Variants in NKAIN2 observed in about 807,000 individuals in gnomAD.
NKAIN2 encodes the protein sodium/potassium transporting ATPase interacting 2.
NKAIN2 carries 14 observed loss-of-function variants against 32.6 expected under a neutral mutation model. That is an observed-to-expected ratio of 0.43 (90% CI 0.28 to 0.67). The LOEUF is 0.67. Among genes scored for constraint, NKAIN2 ranks in the 30% least tolerant of loss-of-function variants. The probability of loss-of-function intolerance (pLI) is 0.17; values close to 1 mark genes in which losing one functional copy is unlikely to be tolerated. For synonymous variants in NKAIN2, 80 were observed against 87.2 expected (o/e 0.92, Z 0.46); for missense variants, 198 against 258.3 (o/e 0.77, Z 1.60).
At chr6:124,178,290 G>A (rs1323013043) in intron 1 of NKAIN2, among the ~76,000 whole-genome samples, 2 of 133,240 alleles carry the variant, frequency 1.5e-5, no homozygotes, top group South Asian at 2.7e-4. Flanking sequence ...GGATTTAGAC[G>A]TACATTAACT....
At chr6:124,119,157 A>G (rs1785755714) in intron 1 of NKAIN2, among the ~76,000 whole-genome samples, 1 of 152,202 alleles carries the variant, frequency 6.6e-6, no homozygotes, top group African/African-American at 2.4e-5. Context: ...CTCCCCAACC[A>G]GAAAGTGGTT....
intron 1 of NKAIN2, among the ~76,000 whole-genome samples, chr6:123,914,195 A>T (rs1369530866): frequency 6.7e-6 from 1 of 149,900 alleles, no homozygotes. Context: ...TGCTCATAAG[A>T]CCTCTTCTTT....
At chr6:123,932,406 C>CTTTTTTTTTTTTTTTTTTTTTTTT (rs57063550) in intron 1 of NKAIN2, among the ~76,000 whole-genome samples, 10 of 104,444 alleles carry the variant, frequency 9.6e-5, no homozygotes, top group African/African-American at 3.8e-4. Flanking sequence ...TTCTGTCTTT[C>CTTTTTTTTTTTTTTTTTTTTTTTT]TTTTTTTTTT....
chr6:124,515,137 A>ATAT (rs1778855427), intron 3 of NKAIN2, among the ~76,000 whole-genome samples: 1 of 152,150 alleles, frequency 6.6e-6, no homozygotes, highest in Non-Finnish European at 1.5e-5. Context: ...TATTCACATT[A>ATAT]TATTTAAGGA....
Position 124,779,239 on chromosome 6 carries a change from AACAAAG to A in NKAIN2, c.475-12098_475-12093del, listed in dbSNP as rs1304998489. Among the ~76,000 whole-genome samples, 466 of 77,978 alleles carry A rather than the reference AACAAAG, an allele frequency of 6.0e-3. 14 individuals are homozygous for A. Among genetic ancestry groups the A allele is most frequent in the African/African-American group, 0.026 (448 of 17,152 alleles). 51.2% of individuals were successfully genotyped at this position (77,978 alleles called of 152,430 possible). A position where few individuals can be genotyped will look rare whatever the true frequency, so the allele number is the denominator to read the frequency against. ...AGCCTGGGCGACAGAGCCAGACTCC[AACAAAG>A]AAAGAGAGAGAGAGAGAGAGAGAGA... On this transcript the variant is annotated intron_variant, in intron 4 of 6. Coordinates refer to ENST00000368417, the MANE Select transcript of NKAIN2 (RefSeq NM_001040214.3).
At chr6:123,983,229 C>T (rs1315430762) in intron 1 of NKAIN2, among the ~76,000 whole-genome samples, 1 of 152,162 alleles carries the variant, frequency 6.6e-6, no homozygotes, top group African/African-American at 2.4e-5. Context: ...ATTGAGATGT[C>T]CAGCAAAGAG....
intron 1 of NKAIN2, among the ~76,000 whole-genome samples, chr6:124,124,694 T>C (rs1219860521): frequency 6.6e-6 from 1 of 152,150 alleles, no homozygotes; most frequent in Non-Finnish European, 1.5e-5. Flanking sequence ...CTTTGTATTG[T>C]TTTTTCTTCT....
chr6:124,424,439 A>T (rs1030577331), intron 3 of NKAIN2, among the ~76,000 whole-genome samples: 1 of 135,240 alleles, frequency 7.4e-6, no homozygotes, highest in Non-Finnish European at 1.6e-5. Flanking sequence ...CCATCTTAGC[A>T]AGTTTCAAAC....
At chr6:124,055,540 T>G (rs550784977) in intron 1 of NKAIN2, among the ~76,000 whole-genome samples, 1 of 152,076 alleles carries the variant, frequency 6.6e-6, no homozygotes, top group South Asian at 2.1e-4. Flanking sequence ...ACTCCATTCT[T>G]TTGTCCTCAG....
At chr6:124,339,178 T>C (rs899064316) in intron 2 of NKAIN2, among the ~76,000 whole-genome samples, 2 of 151,998 alleles carry the variant, frequency 1.3e-5, no homozygotes, top group Non-Finnish European at 2.9e-5. Context: ...CTATCTGTAC[T>C]AAAAATACAA....
chr6:124,820,579 T>C (rs965395782), intron 6 of NKAIN2, among the ~76,000 whole-genome samples: 57 of 152,156 alleles, frequency 3.7e-4, no homozygotes, highest in African/African-American at 1.3e-3. Context: ...ACACTGCAAG[T>C]CATTCCTAAA....
chr6:124,235,608 T>C (rs543926517), intron 1 of NKAIN2, among the ~76,000 whole-genome samples: 1 of 151,690 alleles, frequency 6.6e-6, no homozygotes, highest in Admixed American at 6.6e-5. Context: ...TGTTGTTTTT[T>C]TTTTTCCTGA....
At chr6:124,171,202 A>G (rs1036249231) in intron 1 of NKAIN2, among the ~76,000 whole-genome samples, 4 of 152,044 alleles carry the variant, frequency 2.6e-5, no homozygotes, top group African/African-American at 7.2e-5. Context: ...CATATTCTTA[A>G]GGAACTTTTT....
intron 1 of NKAIN2, among the ~76,000 whole-genome samples, chr6:123,885,226 T>A (rs1773657357): frequency 6.6e-6 from 1 of 152,142 alleles, no homozygotes; most frequent in Non-Finnish European, 1.5e-5. Flanking sequence ...ATAGTTCCAG[T>A]GTGATTTCCC....
In NKAIN2 at chr6:124,033,632, C is replaced by T. The variant is rs192050170; in HGVS notation, c.54+229378C>T. Among the ~76,000 whole-genome samples, 321 of 152,160 alleles carry T rather than the reference C, an allele frequency of 2.1e-3. 9 individuals are homozygous for T. The highest frequency in any genetic ancestry group is 6.8e-3 in the Middle Eastern group (2 of 294). ...GATGGACGATTTCATTCTCACTAAG[C>T]GAGCATCCTCCCACTAAACGAAAGA... On this transcript the variant is annotated intron_variant, in intron 1 of 6. Coordinates refer to ENST00000368417, the MANE Select transcript of NKAIN2 (RefSeq NM_001040214.3).
In NKAIN2 at chr6:123,870,768, C is replaced by A. The variant is rs576765615; in HGVS notation, c.54+66514C>A. Reference sequence around the variant, plus strand: ...GGCAGCTATAGTGAAAAATATTCTACTGTTTTCAGTGGCAAATACATGTTG... The same window carrying A: ...GGCAGCTATAGTGAAAAATATTCTAATGTTTTCAGTGGCAAATACATGTTG... On this transcript the variant is annotated intron_variant, in intron 1 of 6. Transcript: ENST00000368417. 2.6e-5 allele frequency among the ~76,000 whole-genome samples: 4 copies of A among 152,206 alleles called. No individual in the cohort carries two copies. The East Asian group carries it at 7.7e-4, about 29-fold the overall frequency.
At chr6:124,600,057 C>T (rs573281515) in intron 3 of NKAIN2, among the ~76,000 whole-genome samples, 1 of 152,104 alleles carries the variant, frequency 6.6e-6, no homozygotes, top group East Asian at 1.9e-4. Context: ...AAAGTCTGGG[C>T]CACTGAGAGG....
chr6:124,253,844 T>C (rs1014588455), intron 1 of NKAIN2, among the ~76,000 whole-genome samples: 3 of 151,068 alleles, frequency 2.0e-5, no homozygotes, highest in African/African-American at 7.3e-5. Flanking sequence ...TTTTTTTTTT[T>C]TTTTTTGAAA....
intron 5 of NKAIN2, among the ~76,000 whole-genome samples, chr6:124,796,095 T>C (rs1264278392): frequency 6.6e-6 from 1 of 152,132 alleles, no homozygotes; most frequent in Non-Finnish European, 1.5e-5. Context: ...TACCAGGGGA[T>C]GACAGCAACC....
Sources: allele counts gnomAD v4.1 joint callset (sites outside exome capture counted in the v4.1 genomes callset), GRCh38; gene constraint gnomAD v4.1.1; transcripts MANE v1.5; gene names NCBI Gene and HGNC (gene_info 2026-07-23, HGNC 2026-07-21).